The following PDE10A variants were observed in gnomAD, a reference collection of about 807,000 sequenced individuals.
The protein encoded by PDE10A is phosphodiesterase 10A.
In PDE10A, 39 loss-of-function variants were observed where a neutral mutation model predicts 97.7. That is an observed-to-expected ratio of 0.40 (90% confidence interval 0.31 to 0.52). PDE10A has a LOEUF of 0.52. Ranked by LOEUF, PDE10A falls within the 20% of genes least tolerant of loss-of-function variation. The probability of loss-of-function intolerance (pLI) is 0.56; values close to 1 mark genes in which losing one functional copy is unlikely to be tolerated. For missense variants in PDE10A, 731 were observed against 1,047.8 expected (o/e 0.70, Z 4.17); for synonymous variants, 371 against 376.8 (o/e 0.98, Z 0.18).
chr6:165,978,197 G>C (rs12209159), intron 1 of PDE10A, among the ~76,000 whole-genome samples: 25,074 of 152,136 alleles, frequency 0.16, 2,221 homozygotes, highest in Non-Finnish European at 0.2. Flanking sequence ...ATTCACCTAA[G>C]CTGTTTAGCT....
intron 1 of PDE10A, among the ~76,000 whole-genome samples, chr6:165,735,507 G>A (rs912482798): frequency 8.5e-5 from 13 of 152,054 alleles, no homozygotes; most frequent in Non-Finnish European, 8.8e-5. Context: ...TATTTATTAT[G>A]AGGAATTGGC....
chr6:165,777,006 T>G (rs886613900), intron 1 of PDE10A, among the ~76,000 whole-genome samples: 15 of 152,290 alleles, frequency 9.8e-5, no homozygotes, highest in African/African-American at 3.1e-4. Flanking sequence ...CTCTTCACTT[T>G]AAAACTGAGG....
intron 1 of PDE10A, among the ~76,000 whole-genome samples, chr6:165,895,227 C>A (rs565243800): frequency 6.6e-6 from 1 of 152,284 alleles, no homozygotes; most frequent in South Asian, 2.1e-4. Flanking sequence ...AGGATGAGGT[C>A]ATACTCCATC....
At chr6:165,771,640 C>T (rs182456393) in intron 1 of PDE10A, among the ~76,000 whole-genome samples, 45 of 139,160 alleles carry the variant, frequency 3.2e-4, no homozygotes, top group African/African-American at 1.2e-3. Context: ...TGTCAAATCT[C>T]CAGTTTAACA....
chr6:165,378,957 G>T (rs1404544132), intron 18 of PDE10A, among the ~76,000 whole-genome samples: 2 of 152,190 alleles, frequency 1.3e-5, no homozygotes, highest in Admixed American at 1.3e-4. Context: ...ATCCCTGTGT[G>T]ATTAGTGTAA....
intron 5 of PDE10A, among the ~76,000 whole-genome samples, chr6:165,439,578 A>T (rs1790281768): frequency 6.6e-6 from 1 of 152,222 alleles, no homozygotes; most frequent in South Asian, 2.1e-4. Flanking sequence ...GCAGAAAATC[A>T]ATCCTATCAG....
At chr6:165,407,464 G>A (rs220773) in intron 13 of PDE10A, among the ~76,000 whole-genome samples, 29,596 of 152,126 alleles carry the variant, frequency 0.19, 3,021 homozygotes, top group Middle Eastern at 0.3. Context: ...GATTTCGTAT[G>A]TAAAGTGTCT....
intron 1 of PDE10A, among the ~76,000 whole-genome samples, chr6:165,896,076 C>A (rs984647656): frequency 6.6e-6 from 1 of 152,188 alleles, no homozygotes; most frequent in Non-Finnish European, 1.5e-5. Context: ...ACATCCTGCC[C>A]GGGCCGTGGT....
At position 165,572,517 on chromosome 6, in the gene PDE10A, CT is replaced by C. The variant is rs1385009871; in HGVS notation, c.866-28950del. ...TTATAAAGTGGTTTCTGTAAAATAC[CT>C]TAATCCAAAATGTCATTTTAACAAT... On this transcript the variant is annotated intron_variant, in intron 1 of 21. Transcript: ENST00000539869. Among the ~76,000 whole-genome samples, 4 of 152,170 alleles carry C rather than the reference CT, an allele frequency of 2.6e-5. No homozygotes were observed. The East Asian group carries it at 7.7e-4, about 29-fold the overall frequency.
chr6:165,579,492 C>T (rs542524966), intron 1 of PDE10A, among the ~76,000 whole-genome samples: 3 of 152,312 alleles, frequency 2.0e-5, no homozygotes, highest in Non-Finnish European at 2.9e-5. Flanking sequence ...ACATCCATAC[C>T]ATTAAGCAGT....
intron 1 of PDE10A, among the ~76,000 whole-genome samples, chr6:165,634,259 G>A (rs1198252574): frequency 6.6e-6 from 1 of 152,182 alleles, no homozygotes; most frequent in Non-Finnish European, 1.5e-5. Context: ...GATCGTGTGT[G>A]TGTGTGTGGA....
intron 18 of PDE10A, among the ~76,000 whole-genome samples, chr6:165,349,736 C>A (rs1782572820): frequency 6.6e-6 from 1 of 152,210 alleles, no homozygotes; most frequent in South Asian, 2.1e-4. Flanking sequence ...CTGCTCTATG[C>A]AGCCTTGGGA....
At chr6:165,368,446 G>A (rs960431346) in intron 18 of PDE10A, among the ~76,000 whole-genome samples, 2 of 152,210 alleles carry the variant, frequency 1.3e-5, no homozygotes, top group South Asian at 2.1e-4. Context: ...TTATTTTAAA[G>A]TTTTTCACAT....
At chr6:165,603,040 A>G (rs1176225690) in intron 1 of PDE10A, among the ~76,000 whole-genome samples, 1 of 152,258 alleles carries the variant, frequency 6.6e-6, no homozygotes, top group African/African-American at 2.4e-5. Flanking sequence ...AGGGAAAATA[A>G]GAAGTAAAAA....
intron 1 of PDE10A, among the ~76,000 whole-genome samples, chr6:165,851,174 T>C (rs1780561782): frequency 6.6e-6 from 1 of 152,256 alleles, no homozygotes; most frequent in South Asian, 2.1e-4. Context: ...GGGCTTGCTA[T>C]GCAAATGCCA....
At chr6:165,848,525 T>G (rs1314561433) in intron 1 of PDE10A, among the ~76,000 whole-genome samples, 1 of 152,154 alleles carries the variant, frequency 6.6e-6, no homozygotes, top group Non-Finnish European at 1.5e-5. Flanking sequence ...ATTCCTTTTT[T>G]CTTGGGGTCA....
chr6:165,529,624 G>A (rs577601), intron 2 of PDE10A, among the ~76,000 whole-genome samples: 105,195 of 152,078 alleles, frequency 0.69, 39,703 homozygotes, highest in Non-Finnish European at 0.83. Flanking sequence ...ATGATTGTGC[G>A]TGTATACACT....
chr6:165,830,528 C>T (rs1280602867), intron 1 of PDE10A, among the ~76,000 whole-genome samples: 1 of 152,118 alleles, frequency 6.6e-6, no homozygotes, highest in East Asian at 1.9e-4. Context: ...GCCGCATGTC[C>T]AGGAGTGGGG....
At position 165,875,731 on chromosome 6, in the gene PDE10A, G is replaced by GTTTTTTTTTGTT. The variant is rs1554334699; in HGVS notation, c.-615+111797_-615+111798insAACAAAAAAAAA. On this transcript the variant is annotated intron_variant, in intron 1 of 19. Transcript: ENST00000366882. Reference sequence around the variant, plus strand: ...CTGATAGGACTTATTTTCTTTTACTGTTTTTTTTTTTTTTTTGTGTGTGTG... The same window carrying GTTTTTTTTTGTT: ...CTGATAGGACTTATTTTCTTTTACTGTTTTTTTTTGTTTTTTTTTTTTTTTTTTGTGTGTGTG... Among the ~76,000 whole-genome samples the GTTTTTTTTTGTT allele has an allele frequency of 3.3e-3, 153 of 46,914 alleles. 2 individuals are homozygous for GTTTTTTTTTGTT. The highest frequency in any genetic ancestry group is 8.9e-3 in the East Asian group (6 of 672). The allele number at this position is 46,914 out of a possible 152,430, so 30.8% of individuals were successfully genotyped here.
Sources: allele counts gnomAD v4.1 joint callset (sites outside exome capture counted in the v4.1 genomes callset), GRCh38; gene constraint gnomAD v4.1.1; transcripts MANE v1.5; gene names NCBI Gene and HGNC (gene_info 2026-07-23, HGNC 2026-07-21).